Variants in EXOC6B observed in about 807,000 individuals in gnomAD.
EXOC6B encodes the protein SEC15 homolog B.
In EXOC6B, 54 loss-of-function variants were observed where a neutral mutation model predicts 113.5. The ratio of observed to expected loss-of-function variants is 0.48; its 90% CI spans 0.38 to 0.60. The LOEUF is 0.60. EXOC6B is among the 20% of genes least tolerant of loss of function. The pLI is 0.00. For missense variants in EXOC6B, 797 were observed against 977.5 expected (o/e 0.82, Z 2.46); for synonymous variants, 357 against 339.0 (o/e 1.05, Z -0.58).
At chr2:72,492,239 C>A (rs553263550) in intron 16 of EXOC6B, 79 bp downstream of exon 16, 1 of 684,876 alleles carries the variant, frequency 1.5e-6, no homozygotes, top group Non-Finnish European at 2.4e-6. Context: ...AAAGTTTTAA[C>A]GAATTCAGAC....
chr2:72,347,991 T>C (rs1689432164), intron 19 of EXOC6B, among the ~76,000 whole-genome samples: 1 of 152,234 alleles, frequency 6.6e-6, no homozygotes, highest in Non-Finnish European at 1.5e-5. Context: ...CTTCTTGTGT[T>C]AGTCTATTCA....
intron 18 of EXOC6B, among the ~76,000 whole-genome samples, chr2:72,457,936 G>A (rs984446850): frequency 5.3e-5 from 8 of 151,960 alleles, no homozygotes; most frequent in Non-Finnish European, 8.8e-5. Flanking sequence ...AAACACACTC[G>A]GATTCTCCCT....
intron 19 of EXOC6B, among the ~76,000 whole-genome samples, chr2:72,335,873 C>T (rs1688665826): frequency 6.6e-6 from 1 of 152,096 alleles, no homozygotes. Flanking sequence ...GGTACATGCT[C>T]AGTTTATGAC....
At chr2:72,609,862 AG>A (rs1361613353) in intron 6 of EXOC6B, among the ~76,000 whole-genome samples, 1 of 152,190 alleles carries the variant, frequency 6.6e-6, no homozygotes, top group Non-Finnish European at 1.5e-5. Context: ...GAAAACATTA[AG>A]AACAGCAAGA....
chr2:72,748,368 T>G (rs529043603), intron 1 of EXOC6B, among the ~76,000 whole-genome samples: 11 of 152,186 alleles, frequency 7.2e-5, no homozygotes, highest in African/African-American at 2.6e-4. Flanking sequence ...AACAGATTTG[T>G]GCATGATGTT....
intron 20 of EXOC6B, among the ~76,000 whole-genome samples, chr2:72,282,380 T>C (rs974381748): frequency 6.6e-6 from 1 of 151,996 alleles, no homozygotes; most frequent in African/African-American, 2.4e-5. Context: ...AGAATGATTG[T>C]TGTAGAGTTT....
chr2:72,777,608 G>T (rs1683783400), intron 1 of EXOC6B, among the ~76,000 whole-genome samples: 1 of 152,036 alleles, frequency 6.6e-6, no homozygotes, highest in East Asian at 1.9e-4. Context: ...ACACTAAATG[G>T]TAACTCAAAT....
chr2:72,508,184 A>AAAAC (rs923877882), intron 11 of EXOC6B, among the ~76,000 whole-genome samples: 21 of 89,006 alleles, frequency 2.4e-4, no homozygotes, highest in African/African-American at 1.1e-3. Context: ...AAAAAAAAAA[A>AAAAC]ACACCTAAAA....
chr2:72,466,757 A>T (rs2105426918), intron 17 of EXOC6B, among the ~76,000 whole-genome samples: 1 of 152,332 alleles, frequency 6.6e-6, no homozygotes, highest in South Asian at 2.1e-4. Context: ...AGTTGGATGC[A>T]AAAGAAACTG....
intron 8 of EXOC6B, among the ~76,000 whole-genome samples, chr2:72,539,936 A>G (rs1419613675): frequency 7.6e-6 from 1 of 131,036 alleles, no homozygotes; most frequent in East Asian, 2.7e-4. Context: ...TCCTAATGCT[A>G]TCCCTCCCCC....
chr2:72,628,574 T>C lies in EXOC6B; in HGVS notation c.670-52906A>G, dbSNP rs531995200. On this transcript the variant is annotated intron_variant, in intron 6 of 21. Transcript: ENST00000272427. Reference sequence around the variant, plus strand: ...TGATGGTATTAGGAGGTGGAGTCTGTGGCAGCGATGAGGTTTAGGAGGGTG... The same window carrying C: ...TGATGGTATTAGGAGGTGGAGTCTGCGGCAGCGATGAGGTTTAGGAGGGTG... Among the ~76,000 whole-genome samples the C allele has an allele frequency of 4.6e-5, 7 of 152,276 alleles. No homozygotes were observed. The South Asian group carries it at 1.5e-3, about 32-fold the overall frequency.
At position 72,401,528 on chromosome 2, in the gene EXOC6B, T is replaced by C. The variant is rs1296465647; in HGVS notation, c.1981-21658A>G. Among the ~76,000 whole-genome samples the C allele has an allele frequency of 1.3e-3, 25 of 19,794 alleles. 1 individual carries two copies. Among genetic ancestry groups the C allele is most frequent in the African/African-American group, 4.2e-3 (5 of 1,188 alleles). The allele number at this position is 19,794 out of a possible 152,430, so 13.0% of individuals were successfully genotyped here. On this transcript the variant is annotated intron_variant, in intron 18 of 21. Coordinates refer to ENST00000272427, the MANE Select transcript of EXOC6B (RefSeq NM_015189.3). ...ATATATATATATACATATATACATA[T>C]ATATATATATATATATGTGTATATA...
At chr2:72,732,224 A>G (rs1680684791) in intron 3 of EXOC6B, among the ~76,000 whole-genome samples, 1 of 151,950 alleles carries the variant, frequency 6.6e-6, no homozygotes, top group South Asian at 2.1e-4. Context: ...TCATGCCTCA[A>G]TGCAACCTCA....
At chr2:72,278,436 T>C (rs1270055566) in intron 20 of EXOC6B, among the ~76,000 whole-genome samples, 1 of 152,204 alleles carries the variant, frequency 6.6e-6, no homozygotes, top group Admixed American at 6.5e-5. Flanking sequence ...TCTTTTCCCT[T>C]GTCTGACATT....
intron 1 of EXOC6B, among the ~76,000 whole-genome samples, chr2:72,779,523 C>T (rs11126380): frequency 0.054 from 8,192 of 152,144 alleles, 739 homozygotes; most frequent in African/African-American, 0.19. Flanking sequence ...TTTTGCTCCG[C>T]TTTAAGTTTT....
intron 18 of EXOC6B, among the ~76,000 whole-genome samples, chr2:72,454,520 C>A (rs1697099766): frequency 6.6e-6 from 1 of 151,592 alleles, no homozygotes; most frequent in Non-Finnish European, 1.5e-5. Context: ...ACAACAACAA[C>A]AAAAAGGAAT....
At chr2:72,440,010 G>A (rs1022293464) in intron 18 of EXOC6B, among the ~76,000 whole-genome samples, 2 of 152,078 alleles carry the variant, frequency 1.3e-5, no homozygotes, top group African/African-American at 4.8e-5. Context: ...TATCAGCAGT[G>A]AAGGCTGAGA....
At chr2:72,302,599 T>C (rs1021491867) in intron 20 of EXOC6B, among the ~76,000 whole-genome samples, 5 of 152,206 alleles carry the variant, frequency 3.3e-5, no homozygotes, top group African/African-American at 1.2e-4. Context: ...TTTGTCTTTC[T>C]TGATCTTTGT....
chr2:72,785,480 G>A (rs1406372506), intron 1 of EXOC6B, among the ~76,000 whole-genome samples: 1 of 152,248 alleles, frequency 6.6e-6, no homozygotes, highest in East Asian at 1.9e-4. Context: ...TGGGCATCCA[G>A]GCGTTTCCAC....
Sources: allele counts gnomAD v4.1 joint callset (sites outside exome capture counted in the v4.1 genomes callset), GRCh38; gene constraint gnomAD v4.1.1; transcripts MANE v1.5; gene names NCBI Gene and HGNC (gene_info 2026-07-23, HGNC 2026-07-21).